The following RP1 variants were observed in gnomAD, a reference collection of about 807,000 sequenced individuals.
RP1 encodes the protein oxygen-regulated protein 1.
Under a neutral mutation model 14.8 loss-of-function variants are expected in RP1, and 16 were observed. The observed-to-expected ratio is 1.08, with a 90% CI of 0.73 to 1.65. The LOEUF (loss-of-function observed/expected upper bound fraction) is 1.65. RP1 is among the 40% of genes most tolerant of loss of function. RP1 has a pLI of 0.00. For missense variants in RP1, 2,631 were observed against 2,535.0 expected (o/e 1.04, Z -0.81); for synonymous variants, 876 against 883.6 (o/e 0.99, Z 0.15).
At chr8:54,756,072 C>G (rs531055302) in intron 21 of RP1, among the ~76,000 whole-genome samples, 23 of 152,286 alleles carry the variant, frequency 1.5e-4, no homozygotes, top group African/African-American at 5.3e-4. Context: ...TGAATGTGCT[C>G]TCTCAGGCTT....
At chr8:54,734,835 C>T (rs1808881274) in intron 18 of RP1, 1 of 1,020,404 alleles carries the variant, frequency 9.8e-7, no homozygotes, top group Non-Finnish European at 1.3e-6. Flanking sequence ...TGTGTGTCTC[C>T]TATATAAAAT....
intron 19 of RP1, among the ~76,000 whole-genome samples, chr8:54,747,486 G>C (rs538419671): frequency 1.3e-5 from 2 of 152,322 alleles, no homozygotes; most frequent in East Asian, 3.9e-4. Flanking sequence ...CAGGAACTTT[G>C]TATTATTCAG....
Position 54,652,639 on chromosome 8 carries a change from T to G in RP1, c.952-141T>G. ...TGCTTATTATATTTTAGTACTCTCT[T>G]GTTAGGTGTGCACATGTTTATAATT... is the stretch of plus-strand genomic sequence containing the variant. On this transcript the variant is annotated intron_variant, in intron 4 of 22. Coordinates refer to the RP1 transcript ENST00000636932. 4.8e-6 allele frequency: 3 copies of G among 625,286 alleles called. No homozygotes were observed. The Admixed American group carries it at 7.7e-5, about 16-fold the overall frequency. 38.7% of individuals were successfully genotyped at this position (625,286 alleles called of 1,614,324 possible).
intron 19 of RP1, among the ~76,000 whole-genome samples, chr8:54,744,419 A>G (rs1809175850): frequency 6.6e-6 from 1 of 152,214 alleles, no homozygotes; most frequent in Non-Finnish European, 1.5e-5. Flanking sequence ...GAAATATTTC[A>G]TCCTAAATAT....
chr8:54,635,005 C>T (rs1159766675), downstream of RP1, among the ~76,000 whole-genome samples: 2 of 151,694 alleles, frequency 1.3e-5, no homozygotes, highest in East Asian at 3.9e-4. Flanking sequence ...TGGCATGAAC[C>T]CAGGAGGCGG....
rs574482580 is a variant in RP1 at position 54,739,717 on chromosome 8, A to G, written c.2808+688A>G. On this transcript the variant is annotated intron_variant, in intron 19 of 22. Transcript: ENST00000636932. ...TGTCTCTCGGTATAGATATAGATAC[A>G]TACACACACACATAGCACATATATA... Among the ~76,000 whole-genome samples, 4 of 152,052 alleles carry G rather than the reference A, an allele frequency of 2.6e-5. No individual in the cohort carries two copies. In the East Asian group the frequency reaches 5.8e-4, roughly 22 times the overall value.
chr8:54,654,982 C>A (rs1322950347), intron 5 of RP1, among the ~76,000 whole-genome samples: 2 of 152,098 alleles, frequency 1.3e-5, no homozygotes, highest in Admixed American at 6.5e-5. Flanking sequence ...ATTTTAAAAT[C>A]ATTGAAGTTG....
chr8:54,703,414 T>A (rs937072327), intron 14 of RP1, among the ~76,000 whole-genome samples: 3 of 152,212 alleles, frequency 2.0e-5, no homozygotes, highest in African/African-American at 7.2e-5. Context: ...TAAATTGTTT[T>A]TCTTCTGAGC....
At chr8:54,789,020 T>C (rs1810396877) in intron 24 of RP1, among the ~76,000 whole-genome samples, 1 of 152,172 alleles carries the variant, frequency 6.6e-6, no homozygotes, top group African/African-American at 2.4e-5. Flanking sequence ...GACATCCAGC[T>C]TTTCCAAAAT....
chr8:54,849,922 G>A (rs979618968), intron 25 of RP1, among the ~76,000 whole-genome samples: 17 of 152,140 alleles, frequency 1.1e-4, no homozygotes, highest in Non-Finnish European at 1.9e-4. Context: ...AAAAAATAGT[G>A]AAAATACATA....
chr8:54,660,330 A>G (rs900086525), intron 6 of RP1, among the ~76,000 whole-genome samples: 1 of 152,102 alleles, frequency 6.6e-6, no homozygotes, highest in Non-Finnish European at 1.5e-5. Context: ...ATATATTGCC[A>G]TTATTATGTT....
intron 25 of RP1, among the ~76,000 whole-genome samples, chr8:54,847,795 G>A (rs533425903): frequency 6.6e-6 from 1 of 152,312 alleles, no homozygotes; most frequent in South Asian, 2.1e-4. Flanking sequence ...TCAGGCTCTG[G>A]GGCAGTGTGT....
intron 24 of RP1, among the ~76,000 whole-genome samples, chr8:54,792,849 A>G (rs1311546781): frequency 3.3e-5 from 5 of 151,658 alleles, no homozygotes; most frequent in Admixed American, 6.6e-5. Context: ...TTAGAATGGG[A>G]AAAAAAATGA....
At chr8:54,613,020 G>A (rs1004325010), upstream of RP1, among the ~76,000 whole-genome samples, 1 of 152,134 alleles carries the variant, frequency 6.6e-6, no homozygotes, top group South Asian at 2.1e-4. Context: ...GTCTCTGCAG[G>A]ATAATGTGAC....
At chr8:54,729,728 CATA>C in intron 17 of RP1, among the ~76,000 whole-genome samples, 1 of 152,004 alleles carries the variant, frequency 6.6e-6, no homozygotes, top group Non-Finnish European at 1.5e-5. Flanking sequence ...AAGAATTTTT[CATA>C]ATAAATATTT....
Position 54,769,811 on chromosome 8 carries a change from T to C in RP1, c.3319T>C (p.Ter1107ArgextTer4), listed in dbSNP as rs1404382121. The C allele has an allele frequency of 3.3e-6, 5 of 1,522,850 alleles. No individual in the cohort carries two copies. The African/African-American group carries it at 5.5e-5, about 17-fold the overall frequency. 94.3% of individuals were successfully genotyped at this position (1,522,850 alleles called of 1,614,324 possible). A position where few individuals can be genotyped will look rare whatever the true frequency, so the allele number is the denominator to read the frequency against. Residue 1107 changes from the stop codon to arginine, a stop_lost, in exon 23 of 23, where the codon TGA (stop) becomes CGA (arginine). Transcript: ENST00000636932. ...ACTTTATCTTCAAGGTGAGGATTAC[T>C]GAAACCATCAGTAGAAGAAAGTACA...
At chr8:54,566,044 T>C (rs1274766981) in intron 1 of RP1, among the ~76,000 whole-genome samples, 1 of 151,584 alleles carries the variant, frequency 6.6e-6, no homozygotes, top group East Asian at 2.0e-4. Context: ...AAATTTCCTC[T>C]TTTATAAGGA....
chr8:54,740,055 A>C (rs1809034629), intron 19 of RP1, among the ~76,000 whole-genome samples: 2 of 149,208 alleles, frequency 1.3e-5, no homozygotes, highest in Admixed American at 6.7e-5. Flanking sequence ...ATGTAATTTA[A>C]TATATATAAA....
At chr8:54,827,441 C>A (rs1040747061) in intron 24 of RP1, among the ~76,000 whole-genome samples, 5 of 152,054 alleles carry the variant, frequency 3.3e-5, no homozygotes, top group Admixed American at 2.6e-4. Flanking sequence ...ATCCTCCCAC[C>A]TCAGCCTTCT....
Sources: gnomAD v4.1 joint callset for allele counts (sites outside exome capture counted in the v4.1 genomes callset) on GRCh38, gnomAD v4.1.1 for gene constraint, MANE v1.5 for transcripts, NCBI Gene and HGNC (gene_info 2026-07-23, HGNC 2026-07-21) for gene names.